CDKL5: variants seen among roughly 807,000 people sequenced by gnomAD.
The protein encoded by CDKL5 is cyclin dependent kinase like 5.
Under a neutral mutation model 61.7 loss-of-function variants are expected in CDKL5, and 8 were observed. The observed-to-expected ratio is 0.13, with a 90% CI of 0.08 to 0.23. The LOEUF (loss-of-function observed/expected upper bound fraction) is 0.23. Ranked by LOEUF, CDKL5 falls within the 10% of genes least tolerant of loss-of-function variation. The pLI, the probability that CDKL5 is intolerant of heterozygous loss-of-function variation, is 1.00. For synonymous variants in CDKL5, 275 were observed against 272.3 expected, an observed-to-expected ratio of 1.01 and a Z score of -0.10; for missense variants, 440 against 734.5, an observed-to-expected ratio of 0.60 and a Z score of 4.63.
At chrX:18,552,237 CAAAAAAAAAAAA>C (rs777290725) in intron 3 of CDKL5, among the ~76,000 whole-genome samples, 4 of 38,772 alleles carry the variant, frequency 1.0e-4, no homozygotes, top group Non-Finnish European at 2.0e-4. Flanking sequence ...GACTCCGTCT[CAAAAAAAAAAAA>C]AAAAGAAAGA....
chrX:18,481,150 C>T (rs1014568375), intron 1 of CDKL5, among the ~76,000 whole-genome samples: 8 of 110,301 alleles, frequency 7.3e-5, no homozygotes, highest in Middle Eastern at 4.6e-3. Context: ...TGAGCCACTG[C>T]GCCTGGCCTT....
At chrX:18,471,092 G>T (rs1921077619) in intron 1 of CDKL5, among the ~76,000 whole-genome samples, 1 of 112,181 alleles carries the variant, frequency 8.9e-6, no homozygotes, top group Non-Finnish European at 1.9e-5. Context: ...GCTTGATCAA[G>T]TTCACAAGAG....
At chrX:18,552,310 G>T (rs1207539524) in intron 3 of CDKL5, among the ~76,000 whole-genome samples, 1 of 111,189 alleles carries the variant, frequency 9.0e-6, no homozygotes, top group East Asian at 2.8e-4. Context: ...CTGTGTTCTT[G>T]GCTGGTTGGT....
In CDKL5 at chrX:18,647,457, C is replaced by G. The variant is rs1054580370; in HGVS notation, c.2797+1367C>G. 7.2e-6 allele frequency: 5 copies of G among 693,178 alleles called. No individual in the cohort carries two copies. In the African/African-American group the frequency reaches 8.5e-5, roughly 12 times the overall value. 57.1% of individuals were successfully genotyped at this position (693,178 alleles called of 1,213,427 possible). A position where few individuals can be genotyped will look rare whatever the true frequency, so the allele number is the denominator to read the frequency against. On this transcript the variant is annotated intron_variant, in intron 20 of 21. Coordinates refer to the CDKL5 transcript ENST00000379989. ...GAGACGGAGAAGGCTTTACCTGTCT[C>G]TGTGGTTCACAATGGGTACAGCTGT...
Position 18,433,546 on chromosome X carries a change from G to T in CDKL5, c.-163+7851G>T, listed in dbSNP as rs186800361. On this transcript the variant is annotated intron_variant, in intron 1 of 17. Coordinates refer to ENST00000623535, the MANE Select transcript of CDKL5 (RefSeq NM_001323289.2). ...GCCTGAGCAACAAGAGCGAGACTCC[G>T]TTTAAATAAAAAAAAAAATTTTCAC... Among the ~76,000 whole-genome samples, 516 of 111,858 alleles carry T rather than the reference G, an allele frequency of 4.6e-3. 3 individuals are homozygous for T. The highest frequency in any genetic ancestry group is 0.015 in the African/African-American group (474 of 30,869).
At chrX:18,443,622 T>G (rs1931803592) in intron 1 of CDKL5, among the ~76,000 whole-genome samples, 1 of 111,509 alleles carries the variant, frequency 9.0e-6, no homozygotes, top group South Asian at 3.7e-4. Context: ...GTTACATAGG[T>G]AAACACATGT....
chrX:18,516,344 G>A (rs1291492582), intron 3 of CDKL5, among the ~76,000 whole-genome samples: 1 of 102,285 alleles, frequency 9.8e-6, no homozygotes, highest in Non-Finnish European at 2.0e-5. Flanking sequence ...AAAAAGATCT[G>A]TCTCCTCTTA....
At chrX:18,640,661 C>T (rs946937888), downstream of CDKL5, 2 of 112,086 alleles carry the variant, frequency 1.8e-5, no homozygotes, top group Non-Finnish European at 3.8e-5. Flanking sequence ...ACTGTATTAG[C>T]GCGAGTCTAG....
rs149603695 is a variant in CDKL5, at chrX:18,558,882, T to G, written c.100-5595T>G. ...AAGCAAAGAAGGATTGGAAAAAGCATGTACCATCCTAGGATTCGGAGTCCC... is the reference window on the plus strand; with the variant it reads ...AAGCAAAGAAGGATTGGAAAAAGCAGGTACCATCCTAGGATTCGGAGTCCC... On this transcript the variant is annotated intron_variant, in intron 3 of 17. Coordinates refer to ENST00000623535, the MANE Select transcript of CDKL5 (RefSeq NM_001323289.2). Among the ~76,000 whole-genome samples, 959 of 112,543 alleles carry G rather than the reference T, an allele frequency of 8.5e-3. 6 individuals carry two copies. The highest frequency in any genetic ancestry group is 0.015 in the Non-Finnish European group (777 of 53,285).
At chrX:18,619,581 A>T (rs1926825796) in intron 15 of CDKL5, among the ~76,000 whole-genome samples, 1 of 112,022 alleles carries the variant, frequency 8.9e-6, no homozygotes, top group Admixed American at 9.5e-5. Context: ...ATAATCTCAA[A>T]CTCTGAGGTC....
chrX:18,545,989 C>CTAGTGAGTCCTGTTGGT (rs1306108413), intron 3 of CDKL5, among the ~76,000 whole-genome samples: 5 of 111,486 alleles, frequency 4.5e-5, no homozygotes. Context: ...CACACCTACT[C>CTAGTGAGTCCTGTTGGT]TAGTGAGTCC....
intron 1 of CDKL5, among the ~76,000 whole-genome samples, chrX:18,458,651 A>C (rs1932204648): frequency 9.1e-6 from 1 of 110,280 alleles, no homozygotes; most frequent in Admixed American, 9.7e-5. Flanking sequence ...CGGGACATCG[A>C]GGCTGCAATG....
At chrX:18,500,880 C>G (rs1057076622) in intron 1 of CDKL5, among the ~76,000 whole-genome samples, 1 of 110,504 alleles carries the variant, frequency 9.0e-6, no homozygotes, top group Non-Finnish European at 1.9e-5. Flanking sequence ...CTTCTGTTGC[C>G]CAGGCTGGAG....
At chrX:18,565,476 A>C (rs950806831) in intron 4 of CDKL5, among the ~76,000 whole-genome samples, 11 of 112,060 alleles carry the variant, frequency 9.8e-5, no homozygotes, top group Admixed American at 5.7e-4. Context: ...GCTATTTGAA[A>C]AACTATGGTC....
intron 21 of CDKL5, among the ~76,000 whole-genome samples, chrX:18,651,767 A>G (rs1283880084): frequency 9.0e-6 from 1 of 111,729 alleles, no homozygotes; most frequent in Non-Finnish European, 1.9e-5. Flanking sequence ...AAAAATAGAA[A>G]ATGTGACATT....
chrX:18,531,496 A>G (rs1923639058), intron 3 of CDKL5, among the ~76,000 whole-genome samples: 1 of 111,295 alleles, frequency 9.0e-6, no homozygotes, highest in African/African-American at 3.3e-5. Context: ...AGTCTCAGTT[A>G]GCCTTTGTCA....
chrX:18,642,629 G>A (rs1225240888), downstream of CDKL5, among the ~76,000 whole-genome samples: 1 of 112,496 alleles, frequency 8.9e-6, no homozygotes, highest in Non-Finnish European at 1.9e-5. Flanking sequence ...CCAAAGTAGG[G>A]CTCAAGTGAA....
At chrX:18,617,094 C>CTGAA (rs1926741407) in intron 15 of CDKL5, among the ~76,000 whole-genome samples, 1 of 112,204 alleles carries the variant, frequency 8.9e-6, no homozygotes, top group African/African-American at 3.2e-5. Context: ...AAAGTACTTG[C>CTGAA]TGAATGTTGG....
At chrX:18,557,908 A>G (rs953497415) in intron 3 of CDKL5, among the ~76,000 whole-genome samples, 5 of 111,804 alleles carry the variant, frequency 4.5e-5, no homozygotes, top group African/African-American at 1.6e-4. Context: ...AGAATATTGA[A>G]GGAACTGTAG....
Sources: allele counts gnomAD v4.1 joint callset (sites outside exome capture counted in the v4.1 genomes callset), GRCh38; gene constraint gnomAD v4.1.1; transcripts MANE v1.5; gene names NCBI Gene and HGNC (gene_info 2026-07-23, HGNC 2026-07-21).